NIM1K: variants seen among roughly 807,000 people sequenced by gnomAD.
NIM1K encodes serine/threonine-protein kinase NIM1.
A neutral mutation model predicts 37.1 loss-of-function variants in NIM1K; 35 were observed. The ratio of observed to expected loss-of-function variants is 0.94; its 90% CI spans 0.72 to 1.25. NIM1K has a LOEUF of 1.25. Ranked by LOEUF, NIM1K falls within the 50% of genes most tolerant of loss-of-function variation. The probability of loss-of-function intolerance (pLI) is 0.00; values close to 1 mark genes in which losing one functional copy is unlikely to be tolerated. For missense variants in NIM1K, 564 were observed against 548.0 expected, an observed-to-expected ratio of 1.03 and a Z score of -0.29; for synonymous variants, 234 against 206.6, an observed-to-expected ratio of 1.13 and a Z score of -1.14.
chr5:43,238,836 G>A (rs1231209792), intron 1 of NIM1K, among the ~76,000 whole-genome samples: 1 of 151,568 alleles, frequency 6.6e-6, no homozygotes, highest in Non-Finnish European at 1.5e-5. Flanking sequence ...AGTGCAAGGA[G>A]AAGAGAATGA....
intron 1 of NIM1K, among the ~76,000 whole-genome samples, chr5:43,206,324 C>T (rs918218916): frequency 6.6e-6 from 1 of 151,634 alleles, no homozygotes; most frequent in African/African-American, 2.4e-5. Flanking sequence ...ATATTGAGAC[C>T]TTGTCTTTAC....
At chr5:43,234,827 G>A (rs919592228) in intron 1 of NIM1K, among the ~76,000 whole-genome samples, 1 of 151,818 alleles carries the variant, frequency 6.6e-6, no homozygotes, top group African/African-American at 2.4e-5. Context: ...TAGAGGCAGG[G>A]TTTCACCATA....
intron 1 of NIM1K, among the ~76,000 whole-genome samples, chr5:43,240,759 A>T (rs1752688593): frequency 6.7e-6 from 1 of 150,156 alleles, no homozygotes. Flanking sequence ...CTGGTCTCGA[A>T]CTCCTGACCT....
intron 2 of NIM1K, among the ~76,000 whole-genome samples, chr5:43,246,712 G>T (rs1353938219): frequency 1.3e-5 from 2 of 152,080 alleles, no homozygotes; most frequent in Non-Finnish European, 2.9e-5. Flanking sequence ...CTCCCCATTT[G>T]CTTGGCTACT....
chr5:43,198,836 A>ATCTGAAAAATGAGGATTTTATCC (rs1245514281), intron 1 of NIM1K, among the ~76,000 whole-genome samples: 4 of 152,164 alleles, frequency 2.6e-5, no homozygotes, highest in Admixed American at 6.5e-5. Context: ...TAGTTTCTTC[A>ATCTGAAAAATGAGGATTTTATCC]TCTGAAAAAT....
intron 1 of NIM1K, among the ~76,000 whole-genome samples, chr5:43,243,666 T>C (rs1210136069): frequency 6.6e-6 from 1 of 152,138 alleles, no homozygotes; most frequent in East Asian, 1.9e-4. Flanking sequence ...TTTACCTTTT[T>C]TGTTTGTTTG....
intron 2 of NIM1K, among the ~76,000 whole-genome samples, chr5:43,253,882 C>T (rs1262443090): frequency 3.3e-5 from 5 of 152,002 alleles, no homozygotes; most frequent in South Asian, 2.1e-4. Flanking sequence ...AGGCTGGTCT[C>T]GAATTCCTGA....
At chr5:43,278,490 G>T (rs541087569) in intron 3 of NIM1K, among the ~76,000 whole-genome samples, 1 of 152,300 alleles carries the variant, frequency 6.6e-6, no homozygotes, top group South Asian at 2.1e-4. Flanking sequence ...GGAGGAACCT[G>T]ACTTGCAGGC....
chr5:43,231,694 A>G, intron 1 of NIM1K: 1 of 547,778 alleles, frequency 1.8e-6, no homozygotes, highest in East Asian at 5.0e-5. Context: ...ATAGGTCAGT[A>G]GTTGTATATT....
rs191544835 is a variant in NIM1K, at chr5:43,254,138, T to A, written c.292+8071T>A. Among the ~76,000 whole-genome samples, 377 of 152,218 alleles carry A rather than the reference T, an allele frequency of 2.5e-3. 3 individuals are homozygous for A. The highest frequency in any genetic ancestry group is 4.1e-3 in the Non-Finnish European group (282 of 68,010). ...AACTAAGGAGAAGTGGCAGTGAGAA[T>A]GGAGAGAAGAGCATGTATTTGAAAA... On this transcript the variant is annotated intron_variant, in intron 2 of 3. Coordinates refer to ENST00000326035, the MANE Select transcript of NIM1K (RefSeq NM_153361.4).
At chr5:43,260,971 T>C (rs1402660318) in intron 2 of NIM1K, among the ~76,000 whole-genome samples, 1 of 152,252 alleles carries the variant, frequency 6.6e-6, no homozygotes, top group Non-Finnish European at 1.5e-5. Flanking sequence ...TAGTATTCCA[T>C]GGTGTATATA....
chr5:43,195,519 G>C (rs1038870413), intron 1 of NIM1K, among the ~76,000 whole-genome samples: 1 of 152,024 alleles, frequency 6.6e-6, no homozygotes, highest in Non-Finnish European at 1.5e-5. Context: ...AATTAGCTGG[G>C]TGTGGTGGTG....
chr5:43,245,958 G>A lies in NIM1K; in HGVS notation c.183G>A (p.Val61=). The A allele has an allele frequency of 1.2e-6, 2 of 1,614,170 alleles. No individual in the cohort carries two copies. The highest frequency in any genetic ancestry group is 2.2e-5 in the South Asian group (2 of 91,080). The change falls in exon 2 of 4, where the codon GTG becomes GTA. Residue 61 remains valine, a synonymous_variant. Coordinates refer to ENST00000326035, the MANE Select transcript of NIM1K (RefSeq NM_153361.4). ...AGGACATGTCCCAGGATGAGAAGGT[G>A]GTGAGGGAGATCACGCTGGGGAAAC... is the stretch of plus-strand genomic sequence containing the variant. The part of the protein sequence containing the change: ...LTQDMSQDEK[V]VREITLGKRI...
chr5:43,280,079 A>C lies in NIM1K; in HGVS notation c.661A>C (p.Ser221Arg). The C allele has an allele frequency of 3.7e-6, 6 of 1,614,202 alleles. No homozygotes were observed. The highest frequency in any genetic ancestry group is 3.4e-6 in the Non-Finnish European group (4 of 1,180,030). ...KVGDFGFSTV[S>R]KKGEMLNTFC... The stretch of plus-strand genomic sequence containing the variant: ...GGGCGATTTTGGATTCAGCACAGTA[A>C]GCAAAAAAGGTGAAATGCTGAACAC... Residue 221 changes from serine (S) to arginine (R), a missense_variant, in exon 4 of 4, where the codon AGC (serine) becomes CGC (arginine). Physicochemically the swap from Ser to Arg is moderately radical, Grantham distance 110 (BLOSUM62 -1). Coordinates refer to ENST00000326035, the MANE Select transcript of NIM1K (RefSeq NM_153361.4).
At chr5:43,277,806 G>A (rs113185132) in intron 3 of NIM1K, among the ~76,000 whole-genome samples, 19 of 149,356 alleles carry the variant, frequency 1.3e-4, no homozygotes, top group African/African-American at 4.0e-4. Flanking sequence ...GTGTGTGTGT[G>A]TGTGTGTGTG....
chr5:43,263,062 G>A (rs904039238), intron 2 of NIM1K, among the ~76,000 whole-genome samples: 60 of 152,054 alleles, frequency 3.9e-4, no homozygotes, highest in African/African-American at 2.2e-4. Flanking sequence ...GGATATTGGT[G>A]AAAATTCTCT....
At chr5:43,260,883 A>G (rs1753017928) in intron 2 of NIM1K, among the ~76,000 whole-genome samples, 1 of 152,082 alleles carries the variant, frequency 6.6e-6, no homozygotes, top group African/African-American at 2.4e-5. Context: ...TCCTTGCGAT[A>G]GTTTGCTCAG....
At chr5:43,232,214 C>A in intron 1 of NIM1K, 2 of 1,003,562 alleles carry the variant, frequency 2.0e-6, no homozygotes, top group African/African-American at 3.2e-5. Flanking sequence ...CATGTCACCA[C>A]GGTAAAACAG....
At chr5:43,222,666 C>T (rs957116981) in intron 1 of NIM1K, among the ~76,000 whole-genome samples, 23 of 151,456 alleles carry the variant, frequency 1.5e-4, no homozygotes, top group Non-Finnish European at 2.8e-4. Flanking sequence ...CCCAGGAGTT[C>T]GAGGCTGCAG....
Sources: allele counts gnomAD v4.1 joint callset (sites outside exome capture counted in the v4.1 genomes callset), GRCh38; gene constraint gnomAD v4.1.1; transcripts MANE v1.5; gene names NCBI Gene and HGNC (gene_info 2026-07-23, HGNC 2026-07-21).